Variants in AGBL4 observed in about 807,000 individuals in gnomAD.
AGBL4 encodes the protein AGBL carboxypeptidase 4, also known as cytosolic carboxypeptidase 6.
Under a neutral mutation model 66.4 loss-of-function variants are expected in AGBL4, and 58 were observed. That is an observed-to-expected ratio of 0.87 (90% CI 0.71 to 1.09). AGBL4 has a LOEUF of 1.09. Ranked by LOEUF, AGBL4 falls within the 50% of genes least tolerant of loss-of-function variation. The probability of loss-of-function intolerance (pLI) is 0.00; values close to 1 mark genes in which losing one functional copy is unlikely to be tolerated. For missense variants in AGBL4, 579 were observed against 631.0 expected (o/e 0.92, Z 0.88); for synonymous variants, 234 against 222.9 (o/e 1.05, Z -0.44).
chr1:49,038,165 A>G (rs1664811978), intron 5 of AGBL4, among the ~76,000 whole-genome samples: 2 of 152,146 alleles, frequency 1.3e-5, no homozygotes, highest in Admixed American at 1.3e-4. Context: ...CTGAATCCTC[A>G]GAGTCTAGAT....
chr1:48,855,638 T>C (rs1159756254), intron 6 of AGBL4, among the ~76,000 whole-genome samples: 3 of 152,122 alleles, frequency 2.0e-5, no homozygotes, highest in Non-Finnish European at 2.9e-5. Context: ...TTCTAAAATA[T>C]CCAGTAAAAA....
intron 1 of AGBL4, among the ~76,000 whole-genome samples, chr1:49,957,170 GTAAT>G (rs1396010665): frequency 6.6e-6 from 1 of 151,912 alleles, no homozygotes; most frequent in East Asian, 1.9e-4. Flanking sequence ...AAATAAGAGT[GTAAT>G]TAAATAAGCG....
At chr1:49,311,211 T>G (rs377121947) in intron 3 of AGBL4, among the ~76,000 whole-genome samples, 25 of 152,220 alleles carry the variant, frequency 1.6e-4, no homozygotes, top group Non-Finnish European at 2.5e-4. Context: ...TTCATTTATC[T>G]TATCAGTAAA....
chr1:49,094,717 C>T (rs1354364648), intron 4 of AGBL4, among the ~76,000 whole-genome samples: 1 of 152,034 alleles, frequency 6.6e-6, no homozygotes, highest in African/African-American at 2.4e-5. Flanking sequence ...ATGACAAACC[C>T]ACGGCCAATA....
intron 1 of AGBL4, among the ~76,000 whole-genome samples, chr1:49,878,146 T>C (rs1424865523): frequency 2.7e-5 from 4 of 146,658 alleles, no homozygotes; most frequent in Non-Finnish European, 3.0e-5. Context: ...GGGTTTTTTG[T>C]GTCTCTATTT....
At chr1:49,440,069 C>T (rs1372201814) in intron 3 of AGBL4, among the ~76,000 whole-genome samples, 10 of 123,538 alleles carry the variant, frequency 8.1e-5, no homozygotes, top group South Asian at 2.7e-4. Flanking sequence ...AAGGACTCTA[C>T]TTTTTTTTTT....
chr1:49,407,409 C>G (rs1557912208), intron 3 of AGBL4, among the ~76,000 whole-genome samples: 3 of 152,192 alleles, frequency 2.0e-5, no homozygotes. Flanking sequence ...TATTGGCTCT[C>G]CTGGGTTTCT....
At chr1:48,841,585 T>C (rs559336082) in intron 6 of AGBL4, among the ~76,000 whole-genome samples, 2 of 152,042 alleles carry the variant, frequency 1.3e-5, no homozygotes, top group African/African-American at 4.8e-5. Flanking sequence ...ATTTTAAAGC[T>C]TTGCTAGTAA....
At chr1:49,928,874 A>G (rs1653055316) in intron 1 of AGBL4, among the ~76,000 whole-genome samples, 1 of 152,230 alleles carries the variant, frequency 6.6e-6, no homozygotes, top group African/African-American at 2.4e-5. Flanking sequence ...CCATATGTTC[A>G]TCGCAGCACT....
intron 2 of AGBL4, among the ~76,000 whole-genome samples, chr1:49,779,317 C>T (rs950811365): frequency 6.6e-6 from 1 of 152,116 alleles, no homozygotes; most frequent in Admixed American, 6.5e-5. Flanking sequence ...ACAATCAAGG[C>T]TTTATTCACC....
At chr1:49,066,289 C>G (rs1571361106) in intron 4 of AGBL4, among the ~76,000 whole-genome samples, 1 of 152,170 alleles carries the variant, frequency 6.6e-6, no homozygotes, top group South Asian at 2.1e-4. Flanking sequence ...CACGGTGGCT[C>G]ATGCCTATAA....
chr1:48,862,851 C>T (rs1365115136), intron 6 of AGBL4, among the ~76,000 whole-genome samples: 1 of 152,124 alleles, frequency 6.6e-6, no homozygotes, highest in Non-Finnish European at 1.5e-5. Flanking sequence ...GAACATCCTC[C>T]TCAAACTCAA....
intron 2 of AGBL4, among the ~76,000 whole-genome samples, chr1:49,846,611 A>G (rs1397732286): frequency 6.6e-6 from 1 of 152,188 alleles, no homozygotes; most frequent in African/African-American, 2.4e-5. Context: ...TTTAATTTCA[A>G]TCTTTGTGGT....
intron 6 of AGBL4, among the ~76,000 whole-genome samples, chr1:48,843,292 G>A (rs768926080): frequency 6.6e-6 from 1 of 152,036 alleles, no homozygotes; most frequent in Non-Finnish European, 1.5e-5. Flanking sequence ...TGTGACTTAC[G>A]ATTTCTGAAA....
intron 3 of AGBL4, among the ~76,000 whole-genome samples, chr1:49,601,844 T>C (rs979885107): frequency 6.6e-6 from 1 of 152,034 alleles, no homozygotes; most frequent in Non-Finnish European, 1.5e-5. Context: ...AAAGCCAAAA[T>C]TGACAAATGG....
At chr1:49,414,394 T>A (rs965426540) in intron 3 of AGBL4, among the ~76,000 whole-genome samples, 2 of 152,140 alleles carry the variant, frequency 1.3e-5, no homozygotes, top group Non-Finnish European at 2.9e-5. Context: ...AAAATACCAA[T>A]AAATGGACCA....
intron 3 of AGBL4, among the ~76,000 whole-genome samples, chr1:49,555,797 A>G (rs1284125404): frequency 6.6e-6 from 1 of 152,166 alleles, no homozygotes; most frequent in East Asian, 1.9e-4. Context: ...ATCACTGGCC[A>G]TCACAGAAAT....
At chr1:48,764,198 C>T (rs943041437) in intron 6 of AGBL4, among the ~76,000 whole-genome samples, 2 of 152,146 alleles carry the variant, frequency 1.3e-5, no homozygotes, top group Non-Finnish European at 1.5e-5. Flanking sequence ...GTCAGTGTAA[C>T]CCTGGAAGGC....
intron 6 of AGBL4, among the ~76,000 whole-genome samples, chr1:48,750,419 C>T (rs1036444339): frequency 1.3e-5 from 2 of 152,170 alleles, no homozygotes; most frequent in East Asian, 3.9e-4. Flanking sequence ...TTAGGCTCTC[C>T]TGTTGCCTGA....
Sources: allele counts gnomAD v4.1 joint callset (sites outside exome capture counted in the v4.1 genomes callset), GRCh38; gene constraint gnomAD v4.1.1; transcripts MANE v1.5; gene names NCBI Gene and HGNC (gene_info 2026-07-23, HGNC 2026-07-21).